RPS6KC1: variants seen among roughly 807,000 people sequenced by gnomAD.
The protein encoded by RPS6KC1 is inactive ribosomal protein S6 kinase delta-1.
In RPS6KC1, 54 loss-of-function variants were observed where a neutral mutation model predicts 103.8. The ratio of observed to expected loss-of-function variants is 0.52; its 90% CI spans 0.42 to 0.65. The LOEUF (loss-of-function observed/expected upper bound fraction) is 0.65. RPS6KC1 is among the 30% of genes least tolerant of loss of function. The pLI is 0.00. For synonymous variants in RPS6KC1, 439 were observed against 438.7 expected, an observed-to-expected ratio of 1.00 and a Z score of -0.01; for missense variants, 1,151 against 1,253.8, an observed-to-expected ratio of 0.92 and a Z score of 1.24.
the RPS6KC1 span, among the ~76,000 whole-genome samples, chr1:213,743,660 C>T: frequency 1.4e-3 from 208 of 152,318 alleles, 1 homozygote; most frequent in African/African-American, 4.8e-3. Context: ...CTGCCACAGC[C>T]TCTCATCTAC....
At chr1:213,159,377 C>G (rs76752749) in intron 6 of RPS6KC1, among the ~76,000 whole-genome samples, 3,306 of 152,232 alleles carry the variant, frequency 0.022, 114 homozygotes, top group African/African-American at 0.076. Context: ...CAGTAGAAAG[C>G]TAGGTAAAGC....
At chr1:213,452,787 C>G in the RPS6KC1 span, among the ~76,000 whole-genome samples, 1 of 152,160 alleles carries the variant, frequency 6.6e-6, no homozygotes, top group Non-Finnish European at 1.5e-5. Context: ...TAAAAGTACA[C>G]GAGCAAACAA....
intron 8 of RPS6KC1, among the ~76,000 whole-genome samples, chr1:213,184,074 G>A (rs1360818173): frequency 6.6e-6 from 1 of 152,058 alleles, no homozygotes; most frequent in African/African-American, 2.4e-5. Flanking sequence ...TAATTTGAAT[G>A]GCTCTTTAAC....
intron 8 of RPS6KC1, among the ~76,000 whole-genome samples, chr1:213,178,825 C>A (rs2092068578): frequency 6.6e-6 from 1 of 151,936 alleles, no homozygotes; most frequent in Admixed American, 6.6e-5. Flanking sequence ...AACAATTCTT[C>A]TGTCTCAGCC....
At chr1:213,352,431 A>T in the RPS6KC1 span, among the ~76,000 whole-genome samples, 1 of 152,320 alleles carries the variant, frequency 6.6e-6, no homozygotes, top group South Asian at 2.1e-4. Context: ...TTATCCTCTA[A>T]ATTTTGTGTC....
At chr1:213,286,233 A>T in the RPS6KC1 span, among the ~76,000 whole-genome samples, 3 of 152,236 alleles carry the variant, frequency 2.0e-5, no homozygotes, top group African/African-American at 7.2e-5. Context: ...AAGCCCTTAG[A>T]AACAGTGTCC....
At chr1:213,313,057 C>T in the RPS6KC1 span, among the ~76,000 whole-genome samples, 46 of 152,110 alleles carry the variant, frequency 3.0e-4, no homozygotes, top group African/African-American at 9.2e-4. Context: ...CTATTGAAAC[C>T]GGATGGTTAT....
chr1:213,767,549 C>T, the RPS6KC1 span, among the ~76,000 whole-genome samples: 1 of 151,732 alleles, frequency 6.6e-6, no homozygotes, highest in Non-Finnish European at 1.5e-5. Context: ...CAGCAGCTCT[C>T]TGTTCAATAT....
chr1:213,065,950 G>C (rs1454589920), intron 1 of RPS6KC1, among the ~76,000 whole-genome samples: 2 of 152,186 alleles, frequency 1.3e-5, no homozygotes, highest in Non-Finnish European at 2.9e-5. Context: ...AAATTTGAAG[G>C]TGAATAGCCA....
the RPS6KC1 span, among the ~76,000 whole-genome samples, chr1:213,654,009 C>T: frequency 6.6e-6 from 1 of 152,202 alleles, no homozygotes; most frequent in African/African-American, 2.4e-5. Flanking sequence ...TACATTCTTT[C>T]AAAGTGTATA....
intron 14 of RPS6KC1, among the ~76,000 whole-genome samples, chr1:213,268,611 CAT>C (rs2094966961): frequency 3.4e-5 from 5 of 147,728 alleles, no homozygotes; most frequent in Admixed American, 6.8e-5. Flanking sequence ...ATTTAAAAGA[CAT>C]AAAATTGCAT....
chr1:213,070,020 A>G (rs994323849), intron 1 of RPS6KC1, among the ~76,000 whole-genome samples: 1 of 152,228 alleles, frequency 6.6e-6, no homozygotes, highest in South Asian at 2.1e-4. Flanking sequence ...CTTAGGGAGT[A>G]TTGATAGAAG....
the RPS6KC1 span, among the ~76,000 whole-genome samples, chr1:213,333,603 C>T: frequency 2.6e-4 from 39 of 152,236 alleles, no homozygotes; most frequent in African/African-American, 8.4e-4. Flanking sequence ...TGTGGTGCCG[C>T]GTGTTGCAGG....
At chr1:213,070,924 A>T in intron 1 of RPS6KC1, 82 bp from the exon 2 acceptor site, 1 of 845,348 alleles carries the variant, frequency 1.2e-6, no homozygotes, top group Middle Eastern at 3.0e-4. Flanking sequence ...TTTCATACAA[A>T]TACTATTGGA....
At chr1:213,184,741 A>C (rs1182352649) in intron 8 of RPS6KC1, among the ~76,000 whole-genome samples, 2 of 152,032 alleles carry the variant, frequency 1.3e-5, no homozygotes, top group Admixed American at 1.3e-4. Flanking sequence ...CAATTTCTTC[A>C]TTGACCCATT....
the RPS6KC1 span, among the ~76,000 whole-genome samples, chr1:213,782,958 G>A: frequency 1.3e-5 from 2 of 152,120 alleles, no homozygotes; most frequent in Non-Finnish European, 2.9e-5. Flanking sequence ...GCCTCCTCTG[G>A]CTTTCTTCCT....
At chr1:213,583,694 G>A in the RPS6KC1 span, among the ~76,000 whole-genome samples, 2 of 151,600 alleles carry the variant, frequency 1.3e-5, no homozygotes, top group Non-Finnish European at 2.9e-5. Flanking sequence ...GGTGGTGTGT[G>A]CCTGTAACCC....
the RPS6KC1 span, among the ~76,000 whole-genome samples, chr1:213,381,206 A>G: frequency 6.6e-6 from 1 of 152,124 alleles, no homozygotes; most frequent in East Asian, 1.9e-4. Flanking sequence ...TGGGATTCTG[A>G]TTTATTTAAA....
At chr1:213,651,059 T>C in the RPS6KC1 span, among the ~76,000 whole-genome samples, 2 of 151,836 alleles carry the variant, frequency 1.3e-5, no homozygotes, top group East Asian at 1.9e-4. Context: ...GGGAGTGTTG[T>C]TTGGAAGTGT....
Sources: gnomAD v4.1 joint callset for allele counts (sites outside exome capture counted in the v4.1 genomes callset) on GRCh38, gnomAD v4.1.1 for gene constraint, MANE v1.5 for transcripts, NCBI Gene and HGNC (gene_info 2026-07-23, HGNC 2026-07-21) for gene names.